Variants in PRDM6 observed in about 807,000 individuals in gnomAD.
The protein encoded by PRDM6 is putative histone-lysine N-methyltransferase PRDM6.
PRDM6 carries 25 observed loss-of-function variants against 60.8 expected under a neutral mutation model. That is an observed-to-expected ratio of 0.41 (90% CI 0.30 to 0.57). PRDM6 has a LOEUF of 0.57. PRDM6 is among the 20% of genes least tolerant of loss of function. The pLI, the probability that PRDM6 is intolerant of heterozygous loss-of-function variation, is 0.27. For synonymous variants in PRDM6, 407 were observed against 357.4 expected (o/e 1.14, Z -1.57); for missense variants, 839 against 821.3 (o/e 1.02, Z -0.26).
At chr5:123,164,251 G>A (rs1215466123) in intron 5 of PRDM6, among the ~76,000 whole-genome samples, 1 of 152,188 alleles carries the variant, frequency 6.6e-6, no homozygotes, top group Non-Finnish European at 1.5e-5. Context: ...CTGTCAGGCT[G>A]TCTAAGTCAT....
rs3037346 is a variant in PRDM6, at chr5:123,094,432, T to TTCTCTCTC, written c.592+3845_592+3852dup. Among the ~76,000 whole-genome samples the TTCTCTCTC allele has an allele frequency of 3.6e-3, 538 of 148,026 alleles. 4 individuals are homozygous for TTCTCTCTC. The highest frequency in any genetic ancestry group is 8.3e-3 in the African/African-American group (336 of 40,274). ...GGCTTCAGTGCGTGGGCTTTTGTGT[T>TTCTCTCTC]TCTCTCTCTCTCTCTCTCTCTCTCT... On this transcript the variant is annotated intron_variant, in intron 2 of 7. Coordinates refer to ENST00000407847, the MANE Select transcript of PRDM6 (RefSeq NM_001136239.4).
intron 3 of PRDM6, among the ~76,000 whole-genome samples, chr5:123,102,338 A>AAAAAAT (rs1764121934): frequency 6.6e-6 from 1 of 152,182 alleles, no homozygotes; most frequent in African/African-American, 2.4e-5. Flanking sequence ...TTTAAGCATT[A>AAAAAAT]TGATTTATTT....
At chr5:123,185,115 CATCCA>C (rs1463104154) in intron 7 of PRDM6, among the ~76,000 whole-genome samples, 2 of 152,112 alleles carry the variant, frequency 1.3e-5, no homozygotes, top group Non-Finnish European at 2.9e-5. Context: ...TTAGTGTCTC[CATCCA>C]ATCTGGATGT....
intron 3 of PRDM6, among the ~76,000 whole-genome samples, chr5:123,152,542 A>C (rs894347677): frequency 6.6e-6 from 1 of 152,238 alleles, no homozygotes; most frequent in Non-Finnish European, 1.5e-5. Context: ...CAGAGCCACC[A>C]ATACACACAA....
In PRDM6 at chr5:123,090,273, T is replaced by TCCACCTCCG. The variant is rs767762293; in HGVS notation, c.262_270dup (p.Thr88_Ala90dup). ...CGCCTCGTCCACGCCGGCTTCCTCT[T>TCCACCTCCG]CCACCTCCGCCTCCTCCGCCTCCTC... On this transcript the variant is annotated inframe_insertion, in exon 2 of 8. Coordinates refer to ENST00000407847, the MANE Select transcript of PRDM6 (RefSeq NM_001136239.4). The TCCACCTCCG allele has an allele frequency of 3.3e-5, 36 of 1,082,620 alleles. No homozygotes were observed. The South Asian group carries it at 3.7e-4, about 11-fold the overall frequency. The allele number at this position is 1,082,620 out of a possible 1,614,324, so 67.1% of individuals were successfully genotyped here.
chr5:123,142,639 T>C (rs941056499), intron 3 of PRDM6, among the ~76,000 whole-genome samples: 26 of 152,020 alleles, frequency 1.7e-4, no homozygotes, highest in African/African-American at 6.3e-4. Context: ...ACTCACTAAA[T>C]CCAGCAATAG....
intron 3 of PRDM6, among the ~76,000 whole-genome samples, chr5:123,142,877 C>CAAA: frequency 4.5e-3 from 122 of 27,352 alleles, no homozygotes; most frequent in Non-Finnish European, 5.1e-3. Context: ...CAGTGAAGAC[C>CAAA]AAAAAAAAAA....
intron 3 of PRDM6, among the ~76,000 whole-genome samples, chr5:123,122,660 C>T (rs460763): frequency 0.91 from 137,986 of 152,232 alleles, 62,749 homozygotes; most frequent in East Asian, 0.99. Flanking sequence ...ATAATTGCTA[C>T]AGAAAACTGG....
intron 3 of PRDM6, among the ~76,000 whole-genome samples, chr5:123,155,423 C>T (rs1045453207): frequency 6.6e-6 from 1 of 151,904 alleles, no homozygotes; most frequent in Non-Finnish European, 1.5e-5. Flanking sequence ...CAACTGCCTT[C>T]TGCTGGGTGT....
At chr5:123,117,888 TA>T (rs1036630813) in intron 3 of PRDM6, among the ~76,000 whole-genome samples, 1 of 152,246 alleles carries the variant, frequency 6.6e-6, no homozygotes, top group Non-Finnish European at 1.5e-5. Context: ...TACAATGTGA[TA>T]GGGGTGAGCC....
chr5:123,146,272 T>G (rs752268629), intron 3 of PRDM6, among the ~76,000 whole-genome samples: 7 of 152,198 alleles, frequency 4.6e-5, no homozygotes, highest in Non-Finnish European at 1.0e-4. Context: ...CCAAAATTTC[T>G]GCTACAATAA....
intron 5 of PRDM6, among the ~76,000 whole-genome samples, chr5:123,161,745 C>T (rs538075218): frequency 1.3e-5 from 2 of 152,270 alleles, no homozygotes; most frequent in East Asian, 3.9e-4. Context: ...GCCCTAGAGG[C>T]CATTGTCAGG....
At position 123,113,021 on chromosome 5, in the gene PRDM6, AAT is replaced by A. The variant is rs1764351593; in HGVS notation, c.900+13062_900+13063del. ...CAGTGTTGCCAGGTTTTAAAATATT[AAT>A]AGACATTATGTTGTACACTTTTGAA... On this transcript the variant is annotated intron_variant, in intron 3 of 7. Coordinates refer to ENST00000407847, the MANE Select transcript of PRDM6 (RefSeq NM_001136239.4). 2.0e-5 allele frequency among the ~76,000 whole-genome samples: 3 copies of A among 152,254 alleles called. No individual in the cohort carries two copies. The South Asian group carries it at 6.2e-4, about 32-fold the overall frequency.
chr5:123,181,842 G>A (rs934480387), intron 7 of PRDM6, among the ~76,000 whole-genome samples: 2 of 152,132 alleles, frequency 1.3e-5, no homozygotes, highest in Non-Finnish European at 2.9e-5. Context: ...TCTGGTCTGG[G>A]TCCTGCCTTC....
intron 7 of PRDM6, among the ~76,000 whole-genome samples, chr5:123,184,336 G>A (rs1766233316): frequency 1.3e-5 from 2 of 151,968 alleles, no homozygotes; most frequent in Non-Finnish European, 2.9e-5. Context: ...TAATTAAGAT[G>A]CTCACAATGG....
chr5:123,127,118 A>C (rs1054655105), intron 3 of PRDM6, among the ~76,000 whole-genome samples: 1 of 151,360 alleles, frequency 6.6e-6, no homozygotes, highest in African/African-American at 2.4e-5. Flanking sequence ...GCTCTCTGCA[A>C]CCTCCACCTC....
chr5:123,108,947 C>G (rs750424493), intron 3 of PRDM6, among the ~76,000 whole-genome samples: 17 of 152,126 alleles, frequency 1.1e-4, no homozygotes, highest in Non-Finnish European at 2.4e-4. Context: ...ATTTGGCTCA[C>G]CCATGAATAG....
chr5:123,090,146 G>A lies in PRDM6; in HGVS notation c.132G>A (p.Leu44=). The A allele has an allele frequency of 6.5e-7, 1 of 1,530,668 alleles. No individual in the cohort carries two copies. The highest frequency in any genetic ancestry group is 1.8e-4 in the Middle Eastern group (1 of 5,484). The allele number at this position is 1,530,668 out of a possible 1,614,324, so 94.8% of individuals were successfully genotyped here. A position where few individuals can be genotyped will look rare whatever the true frequency, so the allele number is the denominator to read the frequency against. ...AGGGCAGCGGCGCCGCGGGTCTCCT[G>A]AGCGCGCCGCAGCCTCTTCAGCCGC... ...PLKGSGAAGL[L]SAPQPLQPPP... is the part of the protein sequence containing the mutation. Residue 44 remains leucine (L), a synonymous_variant, in exon 2 of 8, where the codon CTG becomes CTA. Transcript: ENST00000407847.
At chr5:123,129,431 A>G (rs555858480) in intron 3 of PRDM6, among the ~76,000 whole-genome samples, 2 of 152,188 alleles carry the variant, frequency 1.3e-5, no homozygotes, top group East Asian at 1.9e-4. Flanking sequence ...GTCCTCTTGT[A>G]TTTTGTTGAG....
Sources: gnomAD v4.1 joint callset for allele counts (sites outside exome capture counted in the v4.1 genomes callset) on GRCh38, gnomAD v4.1.1 for gene constraint, MANE v1.5 for transcripts, NCBI Gene and HGNC (gene_info 2026-07-23, HGNC 2026-07-21) for gene names.